RAB15: variants seen among roughly 807,000 people sequenced by gnomAD.
The protein encoded by RAB15 is RAB15, member RAS oncogene family.
A neutral mutation model predicts 31.8 loss-of-function variants in RAB15; 13 were observed. The ratio of observed to expected loss-of-function variants is 0.41; its 90% CI spans 0.27 to 0.65. RAB15 has a LOEUF of 0.65. Among genes scored for constraint, RAB15 ranks in the 30% least tolerant of loss-of-function variants. The pLI is 0.32. For synonymous variants in RAB15, 100 were observed against 105.6 expected (o/e 0.95, Z 0.33); for missense variants, 220 against 277.3 (o/e 0.79, Z 1.47).
At position 64,955,106 on chromosome 14, in the gene RAB15, A is replaced by G. The variant is rs996818790; in HGVS notation, c.125-2535T>C. ...TCCCCGGCCTCACACACACCCCACC[A>G]TCTTGCAACCTAGGTCTCACTGGCC... On this transcript the variant is annotated intron_variant, in intron 1 of 6. Transcript: ENST00000533601. The surrounding 1 kb of genome is among the most constrained non-coding windows in gnomAD (Gnocchi z 4.4). Among the ~76,000 whole-genome samples the G allele has an allele frequency of 4.6e-5, 7 of 152,046 alleles. No individual in the cohort carries two copies. Among genetic ancestry groups the G allele is most frequent in the African/African-American group, 1.4e-4 (6 of 41,402 alleles).
chr14:64,952,666 A>AAGT lies in RAB15; in HGVS notation c.125-96_125-95insACT. ...AATCACACTTGAAAGGTTTCCTTTC[A>AAGT]GTTTAATTTGGCAAAGGGATGAAGT... On this transcript the variant is annotated intron_variant, in intron 1 of 6. Transcript: ENST00000533601. This position sits in a 1 kb window ranked among gnomAD's most constrained non-coding sequence, Gnocchi z 4.2. 1 of 904,950 alleles carries AAGT rather than the reference A, an allele frequency of 1.1e-6. No homozygotes were observed. The highest frequency in any genetic ancestry group is 1.7e-6 in the Non-Finnish European group (1 of 575,506). The allele number at this position is 904,950 out of a possible 1,614,324, so 56.1% of individuals were successfully genotyped here. A position where few individuals can be genotyped will look rare whatever the true frequency, so the allele number is the denominator to read the frequency against.
At chr14:64,961,264 C>T (rs1381730660) in intron 1 of RAB15, among the ~76,000 whole-genome samples, 1 of 152,216 alleles carries the variant, frequency 6.6e-6, no homozygotes, top group Non-Finnish European at 1.5e-5. Flanking sequence ...ATGTGCACCT[C>T]CTGTGGGTTG....
intron 1 of RAB15, among the ~76,000 whole-genome samples, chr14:64,961,824 A>C (rs1233344519): frequency 6.6e-6 from 1 of 151,736 alleles, no homozygotes; most frequent in African/African-American, 2.4e-5. Context: ...TAAGAGGATC[A>C]CCTGGACCTG....
chr14:64,963,918 G>C (rs1455010241), intron 1 of RAB15, among the ~76,000 whole-genome samples: 1 of 152,144 alleles, frequency 6.6e-6, no homozygotes, highest in Non-Finnish European at 1.5e-5. Context: ...CAGCCTCCCC[G>C]GGAGGGATTT....
rs1456755047 is a variant in RAB15 at position 64,950,594 on chromosome 14, G to T, written c.325-180C>A. The T allele has an allele frequency of 3.1e-6, 2 of 650,298 alleles. No homozygotes were observed. Among genetic ancestry groups the T allele is most frequent in the Non-Finnish European group, 5.5e-6 (2 of 363,462 alleles). The allele number at this position is 650,298 out of a possible 1,614,324, so 40.3% of individuals were successfully genotyped here. ...CATGGCTGACCTCAAGGGTATCACGGGGAGAGCTTAGGGTAGAAGACACTC... is the reference window on the plus strand; with the variant it reads ...CATGGCTGACCTCAAGGGTATCACGTGGAGAGCTTAGGGTAGAAGACACTC... On this transcript the variant is annotated intron_variant, in intron 4 of 6. Coordinates refer to ENST00000533601, the MANE Select transcript of RAB15 (RefSeq NM_001308154.2). The surrounding 1 kb of genome is among the most constrained non-coding windows in gnomAD (Gnocchi z 5.6).
chr14:64,954,540 T>G lies in RAB15; in HGVS notation c.125-1969A>C. The stretch of plus-strand genomic sequence containing the variant: ...AGGAAGAGAGAAGGTTTTATTTCCT[T>G]TATCCCACAAACATTTATGGGAACT... On this transcript the variant is annotated intron_variant, in intron 1 of 6. Transcript: ENST00000533601. This position sits in a 1 kb window ranked among gnomAD's most constrained non-coding sequence, Gnocchi z 4.3. 3.0e-6 allele frequency: 3 copies of G among 985,284 alleles called. No homozygotes were observed. Among genetic ancestry groups the G allele is most frequent in the Non-Finnish European group, 3.6e-6 (3 of 829,792 alleles). The allele number at this position is 985,284 out of a possible 1,614,324, so 61.0% of individuals were successfully genotyped here. A position where few individuals can be genotyped will look rare whatever the true frequency, so the allele number is the denominator to read the frequency against.
chr14:64,951,108 TG>T lies in RAB15; in HGVS notation c.289del (p.Gln97SerfsTer4). The T allele has an allele frequency of 6.2e-7, 1 of 1,612,860 alleles. No individual in the cohort carries two copies. On this transcript the variant is annotated frameshift_variant, in exon 4 of 7. Transcript: ENST00000533601. LOFTEE classifies it high-confidence loss of function. This position sits in a 1 kb window ranked among gnomAD's most constrained non-coding sequence, Gnocchi z 7.2. ...GTCACTGACCCACTTCATGATGTGC[TG>T]GTAAGAGCGCTCGCTGCTAATGTCA... is the stretch of plus-strand genomic sequence containing the variant. ...VYDISSERSY[Q>X]HIMKWVSDVD...
rs1452459263 is a variant in RAB15, at chr14:64,951,158, G to A, written c.247-7C>T. 3 of 1,608,402 alleles carry A rather than the reference G, an allele frequency of 1.9e-6. No homozygotes were observed. The highest frequency in any genetic ancestry group is 2.7e-5 in the African/African-American group (2 of 74,852). On this transcript the variant is annotated splice_polypyrimidine_tract_variant and splice_region_variant and intron_variant, in intron 3 of 6. Transcript: ENST00000533601. The surrounding 1 kb of genome is among the most constrained non-coding windows in gnomAD (Gnocchi z 7.2). Reference sequence around the variant, plus strand: ...CATAGACCAAAAATATCCCCTGAGAGAGAGAGAAATAGAGAGATGTGATAT... The same window carrying A: ...CATAGACCAAAAATATCCCCTGAGAAAGAGAGAAATAGAGAGATGTGATAT...
rs574344254 is a variant in RAB15 at position 64,949,311 on chromosome 14, CTTATATT to C, written c.415-585_415-579del. Among the ~76,000 whole-genome samples, 16 of 152,330 alleles carry C rather than the reference CTTATATT, an allele frequency of 1.1e-4. 1 individual carries two copies. In the South Asian group the frequency reaches 3.3e-3, roughly 32 times the overall value. Reference sequence around the variant, plus strand: ...CTTTCAAATTGGTCAATGACCATGTCTTATATTTTATACCAAACAATCAATTTCATTT... The same window carrying C: ...CTTTCAAATTGGTCAATGACCATGTCTTATACCAAACAATCAATTTCATTT... On this transcript the variant is annotated intron_variant, in intron 5 of 6. Transcript: ENST00000533601.
In RAB15 at chr14:64,951,767, G is replaced by C. The variant is rs2139970377; in HGVS notation, c.186-104C>G. 1 of 983,722 alleles carries C rather than the reference G, an allele frequency of 1.0e-6. No individual in the cohort carries two copies. Among genetic ancestry groups the C allele is most frequent in the Admixed American group, 1.8e-5 (1 of 55,874 alleles). The allele number at this position is 983,722 out of a possible 1,614,324, so 60.9% of individuals were successfully genotyped here. The stretch of plus-strand genomic sequence containing the variant: ...TGTAGGAAAAACTGGGGAGCTAAAG[G>C]GTGAAAAACCAGGGATGCTTGGATC... On this transcript the variant is annotated intron_variant, in intron 2 of 6. Coordinates refer to ENST00000533601, the MANE Select transcript of RAB15 (RefSeq NM_001308154.2). The surrounding 1 kb of genome is among the most constrained non-coding windows in gnomAD (Gnocchi z 7.2).
rs1886174553 is a variant in RAB15, at chr14:64,950,247, C to T, written c.414+78G>A. 1 of 1,212,964 alleles carries T rather than the reference C, an allele frequency of 8.2e-7. No homozygotes were observed. The highest frequency in any genetic ancestry group is 1.2e-6 in the Non-Finnish European group (1 of 817,230). 75.1% of individuals were successfully genotyped at this position (1,212,964 alleles called of 1,614,324 possible). On this transcript the variant is annotated intron_variant, in intron 5 of 6. Coordinates refer to ENST00000533601, the MANE Select transcript of RAB15 (RefSeq NM_001308154.2). This position sits in a 1 kb window ranked among gnomAD's most constrained non-coding sequence, Gnocchi z 5.6. ...GGACCTGCCACTGGGGAACACACCCCTAGGTCCCCACGCTCAGGACTGGCC... is the reference window on the plus strand; with the variant it reads ...GGACCTGCCACTGGGGAACACACCCTTAGGTCCCCACGCTCAGGACTGGCC...
In RAB15 at chr14:64,971,886, G is replaced by A; in HGVS notation, c.124+67C>T. The A allele has an allele frequency of 6.9e-7, 1 of 1,459,036 alleles. No homozygotes were observed. Among genetic ancestry groups the A allele is most frequent in the South Asian group, 1.2e-5 (1 of 81,374 alleles). 90.4% of individuals were successfully genotyped at this position (1,459,036 alleles called of 1,614,324 possible). ...GGCTGGCAATTCCTCCCCAGCTGGG[G>A]ACGGGGGCGGCGGGGAAAGGGGCCG... On this transcript the variant is annotated intron_variant, in intron 1 of 6. Transcript: ENST00000533601. This position sits in a 1 kb window ranked among gnomAD's most constrained non-coding sequence, Gnocchi z 4.1.
chr14:64,967,757 C>T (rs994740334), intron 1 of RAB15, among the ~76,000 whole-genome samples: 1 of 152,146 alleles, frequency 6.6e-6, no homozygotes, highest in Non-Finnish European at 1.5e-5. Flanking sequence ...GGTCATGGCA[C>T]AGGTCCCATA....
At chr14:64,965,513 T>C (rs1887089719) in intron 1 of RAB15, among the ~76,000 whole-genome samples, 1 of 151,744 alleles carries the variant, frequency 6.6e-6, no homozygotes, top group South Asian at 2.1e-4. Context: ...TCCTCCTCAG[T>C]GGGAGGAATT....
rs765768922 is a variant in RAB15 at position 64,972,062 on chromosome 14, G to C, written c.15C>G (p.Tyr5Ter). The C allele has an allele frequency of 6.2e-7, 1 of 1,608,936 alleles. No individual in the cohort carries two copies. The highest frequency in any genetic ancestry group is 2.2e-5 in the East Asian group (1 of 44,614). The change falls in exon 1 of 7, where the codon TAC becomes TAG. Residue 5 changes from tyrosine to a stop codon, truncating the protein, a stop_gained. Transcript: ENST00000533601. LOFTEE classifies it high-confidence loss of function. The surrounding 1 kb of genome is among the most constrained non-coding windows in gnomAD (Gnocchi z 6.3). The part of the protein sequence containing the change: MAKQ[Y>*]DVLFRLLLIG... ...TCAGCAGCAGCCGGAACAGCACATC[G>C]TACTGCTTCGCCATGACTGGGGCCA...
rs912765379 is a variant in RAB15 at position 64,968,416 on chromosome 14, G to A, written c.124+3537C>T. The stretch of plus-strand genomic sequence containing the variant: ...GGGGCCTCTCTCTTCCCCAGCCTCC[G>A]ACAGCATGGAGTCGTGGGAATAGCA... On this transcript the variant is annotated intron_variant, in intron 1 of 6. Coordinates refer to ENST00000533601, the MANE Select transcript of RAB15 (RefSeq NM_001308154.2). The surrounding 1 kb of genome is among the most constrained non-coding windows in gnomAD (Gnocchi z 4.9). 2.0e-5 allele frequency among the ~76,000 whole-genome samples: 3 copies of A among 152,216 alleles called. No individual in the cohort carries two copies. Among genetic ancestry groups the A allele is most frequent in the South Asian group, 2.1e-4 (1 of 4,818 alleles).
intron 5 of RAB15, among the ~76,000 whole-genome samples, chr14:64,949,672 G>A (rs970868699): frequency 3.4e-5 from 5 of 148,158 alleles, no homozygotes; most frequent in Non-Finnish European, 5.9e-5. Context: ...GCAGTGAGCC[G>A]AGATGGCGCC....
In RAB15 at chr14:64,971,904, A is replaced by C. The variant is rs766054018; in HGVS notation, c.124+49T>G. 3.6e-5 allele frequency: 51 copies of C among 1,420,998 alleles called. No individual in the cohort carries two copies. The highest frequency in any genetic ancestry group is 1.5e-5 in the African/African-American group (1 of 67,940). The allele number at this position is 1,420,998 out of a possible 1,614,324, so 88.0% of individuals were successfully genotyped here. ...AGCTGGGGACGGGGGCGGCGGGGAA[A>C]GGGGCCGCGGGCGGGGAGGGAGGGG... is the stretch of plus-strand genomic sequence containing the variant. On this transcript the variant is annotated intron_variant, in intron 1 of 6. Coordinates refer to ENST00000533601, the MANE Select transcript of RAB15 (RefSeq NM_001308154.2). The surrounding 1 kb of genome is among the most constrained non-coding windows in gnomAD (Gnocchi z 4.1).
At position 64,946,696 on chromosome 14, in the gene RAB15, G is replaced by A. The variant is rs1465952801; in HGVS notation, c.*1658C>T. On this transcript the variant is annotated 3_prime_UTR_variant, in exon 7 of 7. Coordinates refer to ENST00000533601, the MANE Select transcript of RAB15 (RefSeq NM_001308154.2). Reference sequence around the variant, plus strand: ...TGAGGTTCTTATCCTTCACATATGAGTGCCCTGGATTTTGGTTCTTAGTTG... The same window carrying A: ...TGAGGTTCTTATCCTTCACATATGAATGCCCTGGATTTTGGTTCTTAGTTG... 1.3e-5 allele frequency: 2 copies of A among 152,180 alleles called. No homozygotes were observed. The highest frequency in any genetic ancestry group is 2.9e-5 in the Non-Finnish European group (2 of 68,036). 9.4% of individuals were successfully genotyped at this position (152,180 alleles called of 1,614,324 possible).
Sources: allele counts gnomAD v4.1 joint callset (sites outside exome capture counted in the v4.1 genomes callset), GRCh38; gene constraint gnomAD v4.1.1; non-coding constraint Gnocchi (gnomAD v3.1); transcripts MANE v1.5; gene names NCBI Gene and HGNC (gene_info 2026-07-23, HGNC 2026-07-21).